KLHDC4: variants seen among roughly 807,000 people sequenced by gnomAD.
KLHDC4 encodes the protein kelch domain containing 4, also known as kelch domain-containing protein 4.
In KLHDC4, 90 loss-of-function variants were observed where a neutral mutation model predicts 62.4. The observed-to-expected ratio is 1.44, with a 90% CI of 1.22 to 1.72. The LOEUF (loss-of-function observed/expected upper bound fraction) is 1.72, where lower values mean the gene tolerates loss of function less well. Among genes scored for constraint, KLHDC4 ranks in the 40% most tolerant of loss-of-function variants. The probability of loss-of-function intolerance (pLI) is 0.00; values close to 1 mark genes in which losing one functional copy is unlikely to be tolerated. For missense variants in KLHDC4, 1,025 were observed against 699.7 expected (o/e 1.47, Z -5.25); for synonymous variants, 386 against 284.4 (o/e 1.36, Z -3.59).
At chr16:87,702,090 AG>A (rs1567628862) in exon 14 of KLHDC4, 3 of 456,172 alleles carry the variant, frequency 6.6e-6, no homozygotes, top group Non-Finnish European at 1.3e-5. Flanking sequence ...CCCCGAGATC[AG>A]AACAGCCTTC....
chr16:87,760,940 G>A (rs747722301), intron 2 of KLHDC4, among the ~76,000 whole-genome samples: 13 of 152,014 alleles, frequency 8.6e-5, no homozygotes, highest in Non-Finnish European at 1.5e-4. Flanking sequence ...GGCTGAGGCA[G>A]GAGAATCACT....
intron 5 of KLHDC4, among the ~76,000 whole-genome samples, chr16:87,745,797 G>A (rs999246873): frequency 3.9e-5 from 6 of 152,170 alleles, no homozygotes; most frequent in South Asian, 2.1e-4. Flanking sequence ...GAGAGAATGC[G>A]GAAAGGGACA....
intron 5 of KLHDC4, among the ~76,000 whole-genome samples, chr16:87,746,124 G>A (rs1452509154): frequency 6.6e-6 from 1 of 151,956 alleles, no homozygotes; most frequent in Admixed American, 6.6e-5. Flanking sequence ...AATTTAATTA[G>A]CCCGGCACGG....
intron 5 of KLHDC4, among the ~76,000 whole-genome samples, chr16:87,742,553 C>G (rs911281173): frequency 6.6e-6 from 1 of 152,164 alleles, no homozygotes; most frequent in East Asian, 1.9e-4. Context: ...AACTGGACCC[C>G]GTCTATGGTC....
At chr16:87,732,176 ACCT>A (rs2040501114) in intron 5 of KLHDC4, among the ~76,000 whole-genome samples, 1 of 149,610 alleles carries the variant, frequency 6.7e-6, no homozygotes, top group Non-Finnish European at 1.5e-5. Context: ...GCTCCCTGCA[ACCT>A]CCGCCTCCAG....
At chr16:87,707,526 G>A (rs2034895075), downstream of KLHDC4, among the ~76,000 whole-genome samples, 1 of 152,194 alleles carries the variant, frequency 6.6e-6, no homozygotes, top group African/African-American at 2.4e-5. Context: ...GGTGTGCACT[G>A]GCCCTGGTCT....
chr16:87,735,886 G>A (rs895583638), intron 5 of KLHDC4, among the ~76,000 whole-genome samples: 6 of 152,210 alleles, frequency 3.9e-5, no homozygotes, highest in East Asian at 1.9e-4. Flanking sequence ...CAGGCCCCTC[G>A]ACTGGGCCGC....
At chr16:87,712,002 G>A (rs3794670) in intron 8 of KLHDC4, among the ~76,000 whole-genome samples, 122 of 141,364 alleles carry the variant, frequency 8.6e-4, no homozygotes, top group African/African-American at 3.2e-3. Context: ...TGTGCCAGCC[G>A]CCCTTGGGCC....
chr16:87,742,816 C>G (rs1357901384), intron 5 of KLHDC4, among the ~76,000 whole-genome samples: 1 of 152,214 alleles, frequency 6.6e-6, no homozygotes, highest in Non-Finnish European at 1.5e-5. Context: ...CCACTGTTCT[C>G]TAAGTTCAGA....
chr16:87,723,617 G>A (rs973521884), intron 7 of KLHDC4, among the ~76,000 whole-genome samples: 1 of 152,244 alleles, frequency 6.6e-6, no homozygotes, highest in East Asian at 1.9e-4. Context: ...AAAATAGGGT[G>A]ATTTTCTCTG....
intron 7 of KLHDC4, among the ~76,000 whole-genome samples, chr16:87,716,096 C>G (rs902699600): frequency 6.6e-6 from 1 of 152,000 alleles, no homozygotes; most frequent in Non-Finnish European, 1.5e-5. Context: ...CTCGTGGATA[C>G]TGACGTAGAC....
At chr16:87,704,941 G>A (rs1230384117), downstream of KLHDC4, among the ~76,000 whole-genome samples, 2 of 152,168 alleles carry the variant, frequency 1.3e-5, no homozygotes, top group African/African-American at 2.4e-5. Flanking sequence ...GGGGAGCATG[G>A]AGAACAAGAC....
chr16:87,758,189 G>C (rs2045292942), intron 2 of KLHDC4, among the ~76,000 whole-genome samples: 1 of 152,184 alleles, frequency 6.6e-6, no homozygotes, highest in African/African-American at 2.4e-5. Context: ...AGTATTAAAA[G>C]CTAAACACAG....
chr16:87,731,782 C>T (rs2040420156), intron 5 of KLHDC4, among the ~76,000 whole-genome samples: 1 of 152,358 alleles, frequency 6.6e-6, no homozygotes, highest in Admixed American at 6.5e-5. Context: ...CTTGTGTCAC[C>T]ACCAGCAGCC....
chr16:87,749,509 G>A (rs1252011612), intron 4 of KLHDC4, among the ~76,000 whole-genome samples: 2 of 147,364 alleles, frequency 1.4e-5, no homozygotes, highest in Non-Finnish European at 3.0e-5. Flanking sequence ...AGCCAAGACT[G>A]TGCCATTGCA....
chr16:87,760,982 A>G (rs971739983), intron 2 of KLHDC4, among the ~76,000 whole-genome samples: 1 of 152,158 alleles, frequency 6.6e-6, no homozygotes, highest in African/African-American at 2.4e-5. Flanking sequence ...GTAGTGAGCC[A>G]AGATCATGCC....
chr16:87,753,522 G>A (rs2044352129), intron 4 of KLHDC4, among the ~76,000 whole-genome samples: 1 of 152,206 alleles, frequency 6.6e-6, no homozygotes, highest in Non-Finnish European at 1.5e-5. Flanking sequence ...CACTCAGGCT[G>A]GGAGCAGTGG....
At position 87,730,625 on chromosome 16, in the gene KLHDC4, C is replaced by T. The variant is rs1007622456; in HGVS notation, c.526G>A (p.Gly176Ser). Residue 176 changes from glycine (G) to serine (S), a missense_variant, in exon 6 of 12, where the codon GGT (glycine) becomes AGT (serine). Physicochemically the swap from Gly to Ser is moderately conservative, Grantham distance 56. Transcript: ENST00000270583. The stretch of plus-strand genomic sequence containing the variant: ...GCCACCATCCGATGTCCACTCCGAC[C>T]CGAAGGACCGCCTGTTGATCTAAAA... ...EQVKSTGGPS[G>S]RSGHRMVAWK... 2 of 1,612,682 alleles carry T rather than the reference C, an allele frequency of 1.2e-6. No individual in the cohort carries two copies. The highest frequency in any genetic ancestry group is 1.7e-6 in the Non-Finnish European group (2 of 1,179,746).
chr16:87,750,402 C>A (rs1597334463), intron 4 of KLHDC4: 1 of 152,342 alleles, frequency 6.6e-6, no homozygotes, highest in South Asian at 2.1e-4. Context: ...CTGTAACGCA[C>A]CTAGTGGCAT....
Sources: allele counts gnomAD v4.1 joint callset (sites outside exome capture counted in the v4.1 genomes callset), GRCh38; gene constraint gnomAD v4.1.1; transcripts MANE v1.5; gene names NCBI Gene and HGNC (gene_info 2026-07-23, HGNC 2026-07-21).